The following KLRG1 variants were observed in gnomAD, a reference collection of about 807,000 sequenced individuals.
The protein encoded by KLRG1 is killer cell lectin-like receptor subfamily G member 1.
KLRG1 carries 16 observed loss-of-function variants against 21.8 expected under a neutral mutation model. The ratio of observed to expected loss-of-function variants is 0.73; its 90% CI spans 0.50 to 1.11. KLRG1 has a LOEUF of 1.11. KLRG1 is among the 50% of genes most tolerant of loss of function. The pLI is 0.00. For missense variants in KLRG1, 173 were observed against 218.3 expected, an observed-to-expected ratio of 0.79 and a Z score of 1.31; for synonymous variants, 69 against 75.9, an observed-to-expected ratio of 0.91 and a Z score of 0.47.
chr12:9,071,678 A>T, the KLRG1 span, among the ~76,000 whole-genome samples: 49 of 152,224 alleles, frequency 3.2e-4, no homozygotes, highest in Middle Eastern at 3.4e-3. Flanking sequence ...CCACTTACAA[A>T]TGAGAACATG....
the KLRG1 span, chr12:9,099,432 G>A: frequency 4.5e-5 from 71 of 1,592,550 alleles, 1 homozygote; most frequent in South Asian, 7.0e-4. Flanking sequence ...CCCCAATCAC[G>A]TCCCCGGTAG....
chr12:9,194,653 A>G, the KLRG1 span, among the ~76,000 whole-genome samples: 5 of 151,786 alleles, frequency 3.3e-5, no homozygotes, highest in African/African-American at 1.2e-4. Context: ...TTTAGTAGAG[A>G]CGGGGTTTCA....
the KLRG1 span, among the ~76,000 whole-genome samples, chr12:9,131,094 T>C: frequency 6.6e-6 from 1 of 152,220 alleles, no homozygotes. Flanking sequence ...TTTGACCATA[T>C]ACACACAGGC....
intron 1 of KLRG1, among the ~76,000 whole-genome samples, chr12:8,951,172 C>CT (rs1246667163): frequency 1.3e-5 from 2 of 152,044 alleles, no homozygotes; most frequent in African/African-American, 4.8e-5. Flanking sequence ...ATGTTGTTTC[C>CT]TTTTTTCAAA....
At chr12:9,167,892 C>T in the KLRG1 span, among the ~76,000 whole-genome samples, 5 of 152,020 alleles carry the variant, frequency 3.3e-5, no homozygotes, top group South Asian at 4.2e-4. Context: ...TCTTTATTCT[C>T]GTTATTTATA....
rs1164223242 is a variant in KLRG1 at position 9,009,987 on chromosome 12, C to G, written c.*450C>G. 6.5e-7 allele frequency: 1 copy of G among 1,533,870 alleles called. No individual in the cohort carries two copies. Among genetic ancestry groups the G allele is most frequent in the Non-Finnish European group, 8.7e-7 (1 of 1,145,570 alleles). On this transcript the variant is annotated 3_prime_UTR_variant, in exon 5 of 5. Coordinates refer to ENST00000356986, the MANE Select transcript of KLRG1 (RefSeq NM_005810.4). ...ATTACTGATCCCTGATGGTATATTT[C>G]TATCCTAACAGTGTCCCTTTGCAGA...
At chr12:8,986,427 C>G (rs1406397858), upstream of KLRG1, among the ~76,000 whole-genome samples, 1 of 152,138 alleles carries the variant, frequency 6.6e-6, no homozygotes, top group Non-Finnish European at 1.5e-5. Context: ...AGATTTGTCA[C>G]TTCTCACCTA....
At chr12:9,081,928 A>G in the KLRG1 span, among the ~76,000 whole-genome samples, 1 of 152,252 alleles carries the variant, frequency 6.6e-6, no homozygotes, top group Non-Finnish European at 1.5e-5. Flanking sequence ...AGCCAACTGC[A>G]TAGCCCATCT....
the KLRG1 span, chr12:9,036,657 G>A: frequency 9.2e-6 from 2 of 218,088 alleles, no homozygotes; most frequent in Non-Finnish European, 1.9e-5. Flanking sequence ...CCTTTGTCAA[G>A]GTTTGAAACT....
the KLRG1 span, chr12:9,110,255 G>T: frequency 2.2e-6 from 3 of 1,335,420 alleles, no homozygotes; most frequent in South Asian, 4.2e-5. Flanking sequence ...TCTGAAATAA[G>T]AACATTTTCC....
At chr12:9,179,616 G>A in the KLRG1 span, among the ~76,000 whole-genome samples, 750 of 152,194 alleles carry the variant, frequency 4.9e-3, 5 homozygotes, top group Non-Finnish European at 8.1e-3. Flanking sequence ...TAAATAGTTC[G>A]ATCTGTTAAA....
the KLRG1 span, among the ~76,000 whole-genome samples, chr12:9,117,068 G>A: frequency 1.3e-5 from 2 of 152,162 alleles, no homozygotes; most frequent in East Asian, 3.9e-4. Flanking sequence ...ATGAGTAGTG[G>A]TTGTCTCGAA....
At chr12:9,177,868 A>G in the KLRG1 span, among the ~76,000 whole-genome samples, 1 of 152,218 alleles carries the variant, frequency 6.6e-6, no homozygotes, top group Admixed American at 6.5e-5. Context: ...AAATTCCTGT[A>G]CTACATGCTG....
chr12:9,163,869 G>A, the KLRG1 span: 2 of 1,474,390 alleles, frequency 1.4e-6, no homozygotes, highest in African/African-American at 2.8e-5. Context: ...TAAACTTATA[G>A]TTGTCCAGAA....
chr12:9,033,438 C>CT, the KLRG1 span, among the ~76,000 whole-genome samples: 1 of 148,694 alleles, frequency 6.7e-6, no homozygotes, highest in African/African-American at 2.5e-5. Flanking sequence ...GAATGAGACT[C>CT]TTTAAAAAAA....
At chr12:9,098,646 C>T in the KLRG1 span, 1 of 1,609,186 alleles carries the variant, frequency 6.2e-7, no homozygotes, top group South Asian at 1.1e-5. Flanking sequence ...TCATGAGCAG[C>T]ACGCTTTGGT....
chr12:9,154,264 T>C, the KLRG1 span, among the ~76,000 whole-genome samples: 2 of 152,220 alleles, frequency 1.3e-5, no homozygotes, highest in Non-Finnish European at 2.9e-5. Context: ...TTGAATATTT[T>C]ATAAGGCTGA....
At chr12:8,968,853 A>G (rs1479763293) in intron 1 of KLRG1, among the ~76,000 whole-genome samples, 2 of 152,220 alleles carry the variant, frequency 1.3e-5, no homozygotes, top group South Asian at 2.1e-4. Flanking sequence ...TCTATAACCC[A>G]TGGGTCAAAG....
the KLRG1 span, among the ~76,000 whole-genome samples, chr12:9,126,712 A>G: frequency 2.0e-5 from 3 of 152,182 alleles, no homozygotes; most frequent in Non-Finnish European, 4.4e-5. Flanking sequence ...TGTCTCCACC[A>G]TGGAATACAA....
Sources: gnomAD v4.1 joint callset for allele counts (sites outside exome capture counted in the v4.1 genomes callset) on GRCh38, gnomAD v4.1.1 for gene constraint, MANE v1.5 for transcripts, NCBI Gene and HGNC (gene_info 2026-07-23, HGNC 2026-07-21) for gene names.